Variants in CYRIA observed in about 807,000 individuals in gnomAD.
CYRIA encodes the protein CYFIP related Rac1 interactor A.
In CYRIA, 15 loss-of-function variants were observed where a neutral mutation model predicts 43.9. The observed-to-expected ratio is 0.34, with a 90% CI of 0.23 to 0.53. The LOEUF is 0.53. Among genes scored for constraint, CYRIA ranks in the 20% least tolerant of loss-of-function variants. The pLI is 0.94. For missense variants in CYRIA, 236 were observed against 394.2 expected (o/e 0.60, Z 3.40); for synonymous variants, 117 against 136.0 (o/e 0.86, Z 0.97).
At chr2:16,619,586 TTCC>T (rs1668929019) in intron 2 of CYRIA, among the ~76,000 whole-genome samples, 1 of 152,208 alleles carries the variant, frequency 6.6e-6, no homozygotes. Flanking sequence ...TGAAGATGAA[TTCC>T]TCCTCCTTTC....
intron 2 of CYRIA, among the ~76,000 whole-genome samples, chr2:16,621,484 T>C (rs1452789445): frequency 2.0e-5 from 3 of 152,156 alleles, no homozygotes; most frequent in African/African-American, 7.2e-5. Context: ...TAACACTGCA[T>C]TGGGAAAGAG....
At chr2:16,644,345 C>T (rs1406927916) in intron 1 of CYRIA, among the ~76,000 whole-genome samples, 3 of 152,154 alleles carry the variant, frequency 2.0e-5, no homozygotes, top group African/African-American at 7.2e-5. Context: ...GAGGTTAAGA[C>T]TGAAACTCTT....
rs1002122532 is a variant in CYRIA, at chr2:16,623,845, A to T, written c.-11+19T>A. On this transcript the variant is annotated intron_variant, in intron 2 of 11. Transcript: ENST00000381323. ...TATCAGTGTGCTACACGTTATAACG[A>T]AAGTCAATTGTTTCTTACCTGGAAA... The T allele has an allele frequency of 1.3e-5, 2 of 152,232 alleles. No individual in the cohort carries two copies. Among genetic ancestry groups the T allele is most frequent in the Non-Finnish European group, 2.9e-5 (2 of 68,050 alleles). The allele number at this position is 152,232 out of a possible 1,614,324, so 9.4% of individuals were successfully genotyped here.
At chr2:16,617,424 C>A (rs929770292) in intron 2 of CYRIA, among the ~76,000 whole-genome samples, 8 of 152,238 alleles carry the variant, frequency 5.3e-5, no homozygotes, top group African/African-American at 1.9e-4. Context: ...GCCATCAGGC[C>A]TAGGCCAAAA....
chr2:16,659,994 G>A (rs1053851034), intron 1 of CYRIA, among the ~76,000 whole-genome samples: 18 of 152,002 alleles, frequency 1.2e-4, no homozygotes, highest in Non-Finnish European at 1.6e-4. Flanking sequence ...AGGATGCTCA[G>A]CCAGAAAGTG....
intron 10 of CYRIA, among the ~76,000 whole-genome samples, chr2:16,556,197 G>C (rs1321054174): frequency 6.6e-6 from 1 of 152,124 alleles, no homozygotes. Context: ...CTTACGGCCT[G>C]ATAGACCCTG....
chr2:16,638,611 G>C (rs1669575020), intron 1 of CYRIA, among the ~76,000 whole-genome samples: 1 of 152,182 alleles, frequency 6.6e-6, no homozygotes, highest in African/African-American at 2.4e-5. Flanking sequence ...TGATGGGTTG[G>C]ACTGGGAGGG....
chr2:16,616,153 G>A (rs1668780563), intron 2 of CYRIA, among the ~76,000 whole-genome samples: 1 of 152,108 alleles, frequency 6.6e-6, no homozygotes, highest in South Asian at 2.1e-4. Flanking sequence ...TAGAGTGGTG[G>A]CCTGCTCTGT....
intron 2 of CYRIA, among the ~76,000 whole-genome samples, chr2:16,593,726 T>G (rs1314201977): frequency 2.8e-5 from 4 of 141,834 alleles, no homozygotes; most frequent in Non-Finnish European, 4.6e-5. Flanking sequence ...GTGTTTTTTT[T>G]TTTTTTTTTT....
intron 10 of CYRIA, among the ~76,000 whole-genome samples, chr2:16,555,979 G>A (rs772447750): frequency 8.5e-5 from 13 of 152,060 alleles, no homozygotes; most frequent in Admixed American, 4.6e-4. Flanking sequence ...TAGTTGACCC[G>A]TAATTTGGGA....
chr2:16,563,178 T>C (rs1018509055), intron 5 of CYRIA, among the ~76,000 whole-genome samples: 1 of 152,176 alleles, frequency 6.6e-6, no homozygotes, highest in African/African-American at 2.4e-5. Context: ...GGGTCAACCC[T>C]TTGAGGAAAC....
chr2:16,653,305 A>G (rs1259020731), intron 1 of CYRIA, among the ~76,000 whole-genome samples: 1 of 152,228 alleles, frequency 6.6e-6, no homozygotes, highest in Non-Finnish European at 1.5e-5. Flanking sequence ...TCATCTGGCC[A>G]GACACACTCC....
chr2:16,612,184 T>A (rs974024956), intron 2 of CYRIA, among the ~76,000 whole-genome samples: 1 of 152,046 alleles, frequency 6.6e-6, no homozygotes, highest in Non-Finnish European at 1.5e-5. Flanking sequence ...GCTGAATGCA[T>A]GAAAGAATGA....
intron 3 of CYRIA, among the ~76,000 whole-genome samples, chr2:16,576,402 C>T (rs146282645): frequency 1.4e-4 from 22 of 152,174 alleles, no homozygotes; most frequent in Admixed American, 6.5e-4. Context: ...AATATAGAGA[C>T]TTTTTTCAGG....
At chr2:16,562,181 C>A in intron 5 of CYRIA, 40 bp from the exon 6 acceptor site, 1 of 1,582,486 alleles carries the variant, frequency 6.3e-7, no homozygotes, top group Non-Finnish European at 8.6e-7. Context: ...TGGAGGTGGC[C>A]CACAGAGGTC....
chr2:16,593,956 C>T (rs1164691908), intron 2 of CYRIA, among the ~76,000 whole-genome samples: 1 of 114,910 alleles, frequency 8.7e-6, no homozygotes, highest in African/African-American at 3.3e-5. Context: ...CAATTCCCAC[C>T]TATGAGTGAG....
chr2:16,579,886 CATTA>C (rs1177146810), intron 3 of CYRIA, among the ~76,000 whole-genome samples: 3 of 151,534 alleles, frequency 2.0e-5, no homozygotes, highest in Non-Finnish European at 2.9e-5. Context: ...CAAATACAAA[CATTA>C]ATTAAACATA....
chr2:16,585,566 C>G (rs957233797), intron 3 of CYRIA, among the ~76,000 whole-genome samples: 2 of 152,080 alleles, frequency 1.3e-5, no homozygotes, highest in African/African-American at 4.8e-5. Context: ...GCTCTAGCCC[C>G]AGTAATAAGC....
chr2:16,635,345 C>A (rs1052117357), intron 1 of CYRIA, among the ~76,000 whole-genome samples: 1 of 152,144 alleles, frequency 6.6e-6, no homozygotes, highest in African/African-American at 2.4e-5. Flanking sequence ...TCAGCATGCA[C>A]AAGGAAAATA....
Sources: allele counts gnomAD v4.1 joint callset (sites outside exome capture counted in the v4.1 genomes callset), GRCh38; gene constraint gnomAD v4.1.1; transcripts MANE v1.5; gene names NCBI Gene and HGNC (gene_info 2026-07-23, HGNC 2026-07-21).